CPNE4: variants seen among roughly 807,000 people sequenced by gnomAD.
The protein encoded by CPNE4 is copine-4.
CPNE4 carries 25 observed loss-of-function variants against 67.9 expected under a neutral mutation model. The ratio of observed to expected loss-of-function variants is 0.37; its 90% CI spans 0.27 to 0.51. The LOEUF (loss-of-function observed/expected upper bound fraction) is 0.51, where lower values mean the gene tolerates loss of function less well. Among genes scored for constraint, CPNE4 ranks in the 20% least tolerant of loss-of-function variants. CPNE4 has a pLI of 0.93. For missense variants in CPNE4, 464 were observed against 690.8 expected, an observed-to-expected ratio of 0.67 and a Z score of 3.68; for synonymous variants, 242 against 244.9, an observed-to-expected ratio of 0.99 and a Z score of 0.11.
chr3:131,749,290 T>C (rs138573571), intron 2 of CPNE4, among the ~76,000 whole-genome samples: 1 of 152,182 alleles, frequency 6.6e-6, no homozygotes, highest in Non-Finnish European at 1.5e-5. Context: ...TGATTTCTAG[T>C]TCAATTCTAT....
At chr3:131,855,609 A>G (rs2086409266) in intron 2 of CPNE4, among the ~76,000 whole-genome samples, 1 of 151,914 alleles carries the variant, frequency 6.6e-6, no homozygotes, top group African/African-American at 2.4e-5. Context: ...TGTCTGTCTC[A>G]CACTCATTCC....
At chr3:131,993,303 T>C (rs932680150) in intron 1 of CPNE4, among the ~76,000 whole-genome samples, 2 of 134,464 alleles carry the variant, frequency 1.5e-5, no homozygotes, top group Non-Finnish European at 3.4e-5. Context: ...ATAAATGCTG[T>C]CCAGGTTCAG....
chr3:131,906,398 C>A (rs1341577247), intron 1 of CPNE4, among the ~76,000 whole-genome samples: 4 of 106,976 alleles, frequency 3.7e-5, no homozygotes, highest in Non-Finnish European at 7.5e-5. Flanking sequence ...TGCTATCCCT[C>A]CCCCCCTCCC....
intron 2 of CPNE4, among the ~76,000 whole-genome samples, chr3:131,883,315 A>T (rs1333212832): frequency 2.0e-5 from 3 of 152,140 alleles, no homozygotes; most frequent in Non-Finnish European, 4.4e-5. Context: ...CTCTGGAATG[A>T]TTCTTGACTC....
intron 2 of CPNE4, among the ~76,000 whole-genome samples, chr3:131,827,123 GA>G (rs2085193248): frequency 6.6e-6 from 1 of 152,098 alleles, no homozygotes; most frequent in Admixed American, 6.5e-5. Flanking sequence ...TAATGCCTCA[GA>G]GGATTATCAC....
chr3:131,847,134 T>C (rs1583316197), intron 2 of CPNE4, among the ~76,000 whole-genome samples: 1 of 152,278 alleles, frequency 6.6e-6, no homozygotes, highest in East Asian at 1.9e-4. Context: ...TCCTCACAGG[T>C]GTGTGTTCCT....
At chr3:131,716,352 C>T (rs1221465297) in intron 3 of CPNE4, among the ~76,000 whole-genome samples, 4 of 151,196 alleles carry the variant, frequency 2.6e-5, no homozygotes, top group African/African-American at 9.7e-5. Flanking sequence ...CAGTTAAGGC[C>T]CAAATTAAAA....
intron 1 of CPNE4, among the ~76,000 whole-genome samples, chr3:131,957,896 T>C (rs2699854): frequency 0.52 from 78,660 of 152,082 alleles, 21,746 homozygotes; most frequent in Admixed American, 0.67. Context: ...TTTATTCTTT[T>C]CAAGCAGATG....
At chr3:131,667,413 C>A (rs181039289) in intron 7 of CPNE4, among the ~76,000 whole-genome samples, 1 of 152,058 alleles carries the variant, frequency 6.6e-6, no homozygotes, top group Non-Finnish European at 1.5e-5. Context: ...TGTCTGAATA[C>A]ACTTTTGATT....
intron 2 of CPNE4, among the ~76,000 whole-genome samples, chr3:131,887,070 G>C (rs1028822204): frequency 1.2e-4 from 18 of 152,256 alleles, no homozygotes; most frequent in Admixed American, 1.0e-3. Context: ...GTTTGGCTCC[G>C]TGTCCCCACC....
At chr3:131,709,742 T>G (rs532644274) in intron 3 of CPNE4, among the ~76,000 whole-genome samples, 15 of 152,224 alleles carry the variant, frequency 9.9e-5, no homozygotes, top group African/African-American at 3.6e-4. Flanking sequence ...CCTCAGGGGG[T>G]TTGTGAGGAT....
At chr3:131,664,265 T>G (rs949907368) in intron 7 of CPNE4, among the ~76,000 whole-genome samples, 21 of 152,318 alleles carry the variant, frequency 1.4e-4, no homozygotes, top group African/African-American at 4.8e-4. Context: ...CACCATTTTC[T>G]TCTCTAAGAA....
chr3:131,657,189 T>C (rs778504220), intron 7 of CPNE4, among the ~76,000 whole-genome samples: 1 of 152,200 alleles, frequency 6.6e-6, no homozygotes, highest in Non-Finnish European at 1.5e-5. Context: ...TATGATGCAA[T>C]GATTTCCTTC....
chr3:131,922,085 C>T lies in CPNE4; in HGVS notation c.-1-16641G>A, dbSNP rs569941104. ...TCAGTTATTCAACCCTTGCCCCCAACTAGTAGTCTCCAGTTTCTATTGTTG... is the reference window on the plus strand; with the variant it reads ...TCAGTTATTCAACCCTTGCCCCCAATTAGTAGTCTCCAGTTTCTATTGTTG... On this transcript the variant is annotated intron_variant, in intron 1 of 15. Transcript: ENST00000429747. 7.3e-4 allele frequency among the ~76,000 whole-genome samples: 111 copies of T among 152,252 alleles called. 1 individual carries two copies. Among genetic ancestry groups the T allele is most frequent in the African/African-American group, 2.6e-3 (106 of 41,554 alleles).
intron 7 of CPNE4, among the ~76,000 whole-genome samples, chr3:131,640,163 A>G (rs574433172): frequency 2.6e-4 from 39 of 152,308 alleles, no homozygotes; most frequent in Non-Finnish European, 4.4e-4. Context: ...AGCCAGAGCA[A>G]CCAGACAAGA....
chr3:131,738,791 A>G (rs993935577), intron 2 of CPNE4, among the ~76,000 whole-genome samples: 4 of 152,076 alleles, frequency 2.6e-5, no homozygotes, highest in East Asian at 1.9e-4. Context: ...TCTTGATTCA[A>G]TGCAAATGCA....
intron 7 of CPNE4, among the ~76,000 whole-genome samples, chr3:131,656,146 CT>C (rs2079957672): frequency 6.6e-6 from 1 of 151,258 alleles, no homozygotes; most frequent in Non-Finnish European, 1.5e-5. Flanking sequence ...AGACTCTTCC[CT>C]TCCCTTCCTT....
In CPNE4 at chr3:131,585,280, T is replaced by C. The variant is rs565736349; in HGVS notation, c.780+2204A>G. Among the ~76,000 whole-genome samples, 32 of 152,350 alleles carry C rather than the reference T, an allele frequency of 2.1e-4. 1 individual carries two copies. The highest frequency in any genetic ancestry group is 4.1e-4 in the South Asian group (2 of 4,828). ...CCTGACTCCCACCAATCTGTAAGCTTCAGAAGGGCAGGGACCATGTCAGCA... is the reference window on the plus strand; with the variant it reads ...CCTGACTCCCACCAATCTGTAAGCTCCAGAAGGGCAGGGACCATGTCAGCA... On this transcript the variant is annotated intron_variant, in intron 8 of 15. Transcript: ENST00000429747.
intron 1 of CPNE4, among the ~76,000 whole-genome samples, chr3:132,032,446 C>T (rs1435172929): frequency 3.3e-5 from 5 of 152,210 alleles, no homozygotes; most frequent in African/African-American, 7.2e-5. Context: ...TAAACATCTA[C>T]TATTGCTATA....
Sources: allele counts gnomAD v4.1 joint callset (sites outside exome capture counted in the v4.1 genomes callset), GRCh38; gene constraint gnomAD v4.1.1; transcripts MANE v1.5; gene names NCBI Gene and HGNC (gene_info 2026-07-23, HGNC 2026-07-21).